Variants in AATK observed in about 807,000 individuals in gnomAD.
AATK encodes serine/threonine-protein kinase LMTK1.
In AATK, 91 loss-of-function variants were observed where a neutral mutation model predicts 114.3. The observed-to-expected ratio is 0.80, with a 90% confidence interval of 0.67 to 0.95. AATK has a LOEUF of 0.95. AATK is among the 40% of genes least tolerant of loss of function. AATK has a pLI of 0.00. For synonymous variants in AATK, 1,075 were observed against 916.5 expected, an observed-to-expected ratio of 1.17 and a Z score of -3.12; for missense variants, 2,176 against 1,965.2, an observed-to-expected ratio of 1.11 and a Z score of -2.03.
intron 3 of AATK, among the ~76,000 whole-genome samples, chr17:81,129,783 G>T (rs1480538989): frequency 6.6e-6 from 1 of 152,162 alleles, no homozygotes. Flanking sequence ...AGCAGGGTCA[G>T]CACAGGGCTC....
chr17:81,118,517 C>T (rs2060600515), intron 13 of AATK, 75 bp from the exon 14 acceptor site: 1 of 1,505,180 alleles, frequency 6.6e-7, no homozygotes, highest in Non-Finnish European at 9.1e-7. Flanking sequence ...TCCCACCTGG[C>T]CTCCATCCCT....
intron 13 of AATK, among the ~76,000 whole-genome samples, 154 bp from the exon 14 acceptor site, chr17:81,118,596 T>C (rs1439208828): frequency 6.6e-6 from 1 of 152,194 alleles, no homozygotes; most frequent in Non-Finnish European, 1.5e-5. Flanking sequence ...GATGGACCCA[T>C]TTCCCCCACT....
At chr17:81,118,820 C>G (rs1330902331) in intron 13 of AATK, among the ~76,000 whole-genome samples, 1 of 152,230 alleles carries the variant, frequency 6.6e-6, no homozygotes, top group African/African-American at 2.4e-5. Flanking sequence ...CAGGCCAGGA[C>G]AGCTAGGGAA....
At chr17:81,145,102 A>C (rs1250664112) in intron 1 of AATK, among the ~76,000 whole-genome samples, 1 of 152,062 alleles carries the variant, frequency 6.6e-6, no homozygotes, top group East Asian at 1.9e-4. Flanking sequence ...GTGTGGTGGC[A>C]GGTGCCTGTA....
Position 81,122,828 on chromosome 17 carries a change from G to C in AATK, c.1113-5C>G, listed in dbSNP as rs779481839. 8 of 1,520,146 alleles carry C rather than the reference G, an allele frequency of 5.3e-6. No individual in the cohort carries two copies. In the Admixed American group the frequency reaches 1.7e-4, roughly 32 times the overall value. The allele number at this position is 1,520,146 out of a possible 1,614,324, so 94.2% of individuals were successfully genotyped here. A position where few individuals can be genotyped will look rare whatever the true frequency, so the allele number is the denominator to read the frequency against. On this transcript the variant is annotated splice_polypyrimidine_tract_variant and splice_region_variant and intron_variant, in intron 10 of 13. Transcript: ENST00000326724. ...CAGAACTGCATCACCTCGTACCTGCGAGGAGGTCCCCCGGGGGCCACGTCA... is the reference window on the plus strand; with the variant it reads ...CAGAACTGCATCACCTCGTACCTGCCAGGAGGTCCCCCGGGGGCCACGTCA...
intron 1 of AATK, among the ~76,000 whole-genome samples, chr17:81,154,319 C>CTTTT (rs202002919): frequency 8.4e-4 from 96 of 113,766 alleles, no homozygotes; most frequent in African/African-American, 1.5e-3. Context: ...TTTTTTCTTT[C>CTTTT]TTTTTTTTTT....
intron 1 of AATK, among the ~76,000 whole-genome samples, chr17:81,149,480 T>A (rs1208963869): frequency 7.2e-6 from 1 of 139,354 alleles, no homozygotes. Flanking sequence ...TCTCTCCACA[T>A]CCTCCAGCCC....
chr17:81,139,171 G>C (rs1456904435), intron 1 of AATK, among the ~76,000 whole-genome samples: 1 of 152,220 alleles, frequency 6.6e-6, no homozygotes, highest in Non-Finnish European at 1.5e-5. Flanking sequence ...TACGAAAACT[G>C]AGGCTCAGTG....
Position 81,122,086 on chromosome 17 carries a change from A to G in AATK, c.1850T>C (p.Leu617Pro). 1 of 1,578,150 alleles carries G rather than the reference A, an allele frequency of 6.3e-7. No individual in the cohort carries two copies. The highest frequency in any genetic ancestry group is 8.6e-7 in the Non-Finnish European group (1 of 1,169,090). Residue 617 changes from leucine to proline, a missense_variant, in exon 11 of 14, where the codon CTG (leucine) becomes CCG (proline). Around this residue, in one of 4 missense-constraint regions of AATK, gnomAD observed 1,701 missense variants for 1,394.7 expected, o/e 1.22. Transcript: ENST00000326724. Reference protein sequence around the residue: ...SRSPSPSAGPLSLAEGGAEDA... With the variant: ...SRSPSPSAGPPSLAEGGAEDA... ...CTCCGCTCCTCCCTCCGCCAGACTC[A>G]GGGGCCCCGCCGAGGGCGAGGGAGA...
intron 1 of AATK, among the ~76,000 whole-genome samples, chr17:81,154,189 A>G (rs1022504162): frequency 1.3e-5 from 2 of 152,268 alleles, no homozygotes; most frequent in Middle Eastern, 3.4e-3. Context: ...GTCGAAACGC[A>G]CAGCCTCACC....
chr17:81,140,862 G>C (rs1177172135), intron 1 of AATK, among the ~76,000 whole-genome samples: 3 of 133,908 alleles, frequency 2.2e-5, no homozygotes, highest in Non-Finnish European at 4.6e-5. Context: ...GGGCTGTGGG[G>C]CCGTGAGCCG....
chr17:81,160,442 C>T (rs183010456), intron 1 of AATK: 1,930 of 166,850 alleles, frequency 0.012, 48 homozygotes, highest in African/African-American at 0.044. Context: ...TGGCTCCGGC[C>T]CCGTCCGCTG....
rs561185347 is a variant in AATK at position 81,120,853 on chromosome 17, G to A, written c.3083C>T (p.Pro1028Leu). The change falls in exon 11 of 14, where the codon CCG becomes CTG. Residue 1028 changes from proline (P) to leucine (L), a missense_variant. Pro to Leu is a moderately conservative substitution (Grantham distance 98). Around this residue, in one of 4 missense-constraint regions of AATK, gnomAD observed 1,701 missense variants for 1,394.7 expected, o/e 1.22. Transcript: ENST00000326724. ...DRAPGPELGLPSTGQPSEQVC... is the reference protein window; with the variant it reads ...DRAPGPELGLLSTGQPSEQVC... ...CTGCTCAGACGGCTGCCCAGTGCTC[G>A]GCAGGCCCAGCTCTGGCCCGGGGGC... 46 of 1,578,480 alleles carry A rather than the reference G, an allele frequency of 2.9e-5. No homozygotes were observed. Among genetic ancestry groups the A allele is most frequent in the Admixed American group, 3.6e-5 (2 of 55,296 alleles).
intron 1 of AATK, among the ~76,000 whole-genome samples, chr17:81,139,414 C>T (rs73367988): frequency 0.011 from 1,661 of 152,272 alleles, 32 homozygotes; most frequent in African/African-American, 0.038. Flanking sequence ...CCCAGAAACC[C>T]GTGCCCAGGA....
intron 1 of AATK, among the ~76,000 whole-genome samples, chr17:81,149,438 C>T (rs370672721): frequency 3.2e-4 from 49 of 152,212 alleles, no homozygotes; most frequent in African/African-American, 1.1e-3. Flanking sequence ...ACCCCAGCCC[C>T]CTGAGGAAAC....
At chr17:81,139,343 C>T (rs1027826400) in intron 1 of AATK, among the ~76,000 whole-genome samples, 1 of 152,220 alleles carries the variant, frequency 6.6e-6, no homozygotes, top group African/African-American at 2.4e-5. Flanking sequence ...GTCTGCTTGC[C>T]TGTCCCTCTC....
intron 1 of AATK, among the ~76,000 whole-genome samples, chr17:81,140,514 G>A (rs548078646): frequency 3.9e-5 from 6 of 152,346 alleles, no homozygotes; most frequent in African/African-American, 7.2e-5. Context: ...CTTTGCAGGC[G>A]GGATTTAGGT....
chr17:81,144,410 G>T (rs537561651), intron 1 of AATK, among the ~76,000 whole-genome samples: 1 of 152,350 alleles, frequency 6.6e-6, no homozygotes, highest in African/African-American at 2.4e-5. Context: ...ACCCTGGGGA[G>T]AGGGTGGCCA....
At chr17:81,155,296 G>T (rs1166720827) in intron 1 of AATK, among the ~76,000 whole-genome samples, 2 of 152,170 alleles carry the variant, frequency 1.3e-5, no homozygotes, top group Non-Finnish European at 2.9e-5. Flanking sequence ...TATTTCAGAC[G>T]AACGCAGTGA....
Sources: gnomAD v4.1 joint callset for allele counts (sites outside exome capture counted in the v4.1 genomes callset) on GRCh38, gnomAD v4.1.1 for gene constraint, gnomAD v4.1.1 regional missense constraint, MANE v1.5 for transcripts, NCBI Gene and HGNC (gene_info 2026-07-23, HGNC 2026-07-21) for gene names.